Variants in ZNF469 observed in about 807,000 individuals in gnomAD.
ZNF469 encodes the protein zinc finger protein 469.
In ZNF469, 1 loss-of-function variant was observed where a neutral mutation model predicts 1.0. That is an observed-to-expected ratio of 1.00 (90% CI 0.35 to 4.73). The LOEUF (loss-of-function observed/expected upper bound fraction) is 4.73. Ranked by LOEUF, ZNF469 falls within the 30% of genes most tolerant of loss-of-function variation. The probability of loss-of-function intolerance (pLI) is 0.16; values close to 1 mark genes in which losing one functional copy is unlikely to be tolerated. For synonymous variants in ZNF469, 2,703 were observed against 2,363.4 expected, an observed-to-expected ratio of 1.14 and a Z score of -4.17; for missense variants, 6,100 against 5,356.3, an observed-to-expected ratio of 1.14 and a Z score of -4.33.
At chr16:88,279,378 T>C in the ZNF469 span, among the ~76,000 whole-genome samples, 1 of 151,210 alleles carries the variant, frequency 6.6e-6, no homozygotes, top group Non-Finnish European at 1.5e-5. Context: ...GCTCAGTCAG[T>C]ACCTTGTAGA....
At chr16:88,404,006 A>G (rs933025404) in intron 1 of ZNF469, among the ~76,000 whole-genome samples, 10 of 152,352 alleles carry the variant, frequency 6.6e-5, no homozygotes, top group Admixed American at 6.5e-4. Context: ...CAGTGCAAAC[A>G]CAGCCTCTGT....
upstream of ZNF469, among the ~76,000 whole-genome samples, chr16:88,378,007 C>T (rs1384734229): frequency 2.0e-5 from 3 of 152,100 alleles, no homozygotes; most frequent in Admixed American, 6.6e-5. Flanking sequence ...CTCAAGGACC[C>T]CAAGTCCAAA....
chr16:88,183,195 G>A, the ZNF469 span, among the ~76,000 whole-genome samples: 6 of 152,234 alleles, frequency 3.9e-5, no homozygotes, highest in Non-Finnish European at 4.4e-5. Flanking sequence ...AATGCCGCGC[G>A]CCTGGAGTCG....
chr16:88,399,409 A>G (rs1904791005), intron 1 of ZNF469, among the ~76,000 whole-genome samples: 1 of 152,184 alleles, frequency 6.6e-6, no homozygotes, highest in Non-Finnish European at 1.5e-5. Context: ...AGTCACAGCT[A>G]CAAGATGACA....
At position 88,437,755 on chromosome 16, in the gene ZNF469, A is replaced by G. The variant is rs1310160323; in HGVS notation, c.10285A>G (p.Lys3429Glu). 3 of 1,549,680 alleles carry G rather than the reference A, an allele frequency of 1.9e-6. No homozygotes were observed. Among genetic ancestry groups the G allele is most frequent in the Non-Finnish European group, 1.7e-6 (2 of 1,146,530 alleles). The change falls in exon 3 of 3, where the codon AAG becomes GAG. Residue 3429 changes from lysine (K) to glutamate (E), a missense_variant. Lys to Glu is a moderately conservative substitution (Grantham distance 56). Transcript: ENST00000565624. The part of the protein sequence containing the change: ...ACSSCNYTFA[K>E]KEQFDRHMNK... Reference sequence around the variant, plus strand: ...CAGCTCCTGCAACTACACCTTCGCCAAGAAGGAGCAGTTCGACCGCCACAT... The same window carrying G: ...CAGCTCCTGCAACTACACCTTCGCCGAGAAGGAGCAGTTCGACCGCCACAT...
chr16:88,103,984 T>G, the ZNF469 span, among the ~76,000 whole-genome samples: 1 of 152,070 alleles, frequency 6.6e-6, no homozygotes, highest in Non-Finnish European at 1.5e-5. Flanking sequence ...GCAGTGCGTG[T>G]GACAGTCGCC....
At chr16:88,402,095 G>GTGGA (rs1567501902) in intron 1 of ZNF469, among the ~76,000 whole-genome samples, 1 of 150,254 alleles carries the variant, frequency 6.7e-6, no homozygotes, top group Non-Finnish European at 1.5e-5. Context: ...GGATGGGTGG[G>GTGGA]TGGATGGATG....
At chr16:88,273,804 ATTTTT>A in the ZNF469 span, among the ~76,000 whole-genome samples, 1 of 135,266 alleles carries the variant, frequency 7.4e-6, no homozygotes, top group Non-Finnish European at 1.6e-5. Flanking sequence ...ACTGTGGAAT[ATTTTT>A]TTTTTTTTTT....
At chr16:88,117,190 A>ACACG in the ZNF469 span, among the ~76,000 whole-genome samples, 3 of 48,078 alleles carry the variant, frequency 6.2e-5, no homozygotes, top group South Asian at 8.0e-4. Flanking sequence ...AGGGCCGGGG[A>ACACG]TGTGTGAGGG....
the ZNF469 span, among the ~76,000 whole-genome samples, chr16:88,310,459 G>T: frequency 1.3e-5 from 2 of 152,154 alleles, no homozygotes; most frequent in African/African-American, 4.8e-5. Flanking sequence ...CTTCTTCCCG[G>T]TGGAACCATT....
the ZNF469 span, among the ~76,000 whole-genome samples, chr16:88,135,748 GTT>G: frequency 0.096 from 6,413 of 66,796 alleles, 1,680 homozygotes; most frequent in East Asian, 0.4. Context: ...AGCTGGCCAT[GTT>G]TTTTTTTTTT....
intron 1 of ZNF469, among the ~76,000 whole-genome samples, chr16:88,391,900 G>A (rs1267674147): frequency 1.3e-5 from 2 of 152,248 alleles, no homozygotes; most frequent in East Asian, 1.9e-4. Context: ...AGTATAATAT[G>A]ATATACAACA....
At chr16:88,277,121 T>C in the ZNF469 span, among the ~76,000 whole-genome samples, 267 of 151,598 alleles carry the variant, frequency 1.8e-3, no homozygotes, top group African/African-American at 6.0e-3. Context: ...TGTGCCACGC[T>C]GACGCTTGGT....
chr16:88,404,348 G>A lies in ZNF469; in HGVS notation c.-191-20459G>A, dbSNP rs187594956. 4.2e-3 allele frequency among the ~76,000 whole-genome samples: 644 copies of A among 152,328 alleles called. 13 individuals carry two copies. The highest frequency in any genetic ancestry group is 0.037 in the Admixed American group (567 of 15,306). ...GCCACAGCCAGGCCTTGAGAGGCCC[G>A]GCAGACTGGCCCTGGGCGGCGCCGG... On this transcript the variant is annotated intron_variant, in intron 1 of 2. Transcript: ENST00000565624.
At chr16:88,197,084 C>A in the ZNF469 span, among the ~76,000 whole-genome samples, 6 of 152,174 alleles carry the variant, frequency 3.9e-5, no homozygotes, top group African/African-American at 1.4e-4. Flanking sequence ...TTCTGGCTGG[C>A]GCTCACTTCC....
At chr16:88,117,875 G>A in the ZNF469 span, among the ~76,000 whole-genome samples, 92 of 152,370 alleles carry the variant, frequency 6.0e-4, no homozygotes, top group African/African-American at 2.1e-3. Context: ...GGCAAAGGGA[G>A]GCTCCACACA....
the ZNF469 span, among the ~76,000 whole-genome samples, chr16:88,357,982 A>T: frequency 3.9e-5 from 6 of 152,204 alleles, no homozygotes; most frequent in Non-Finnish European, 7.3e-5. Context: ...CGAAATGTCC[A>T]CTTGTCCTGG....
chr16:88,303,471 C>T, the ZNF469 span, among the ~76,000 whole-genome samples: 6 of 152,190 alleles, frequency 3.9e-5, no homozygotes, highest in African/African-American at 9.7e-5. Flanking sequence ...AAGGGCCCAC[C>T]ACAGCCTGCA....
At chr16:88,251,291 T>C in the ZNF469 span, among the ~76,000 whole-genome samples, 1 of 152,238 alleles carries the variant, frequency 6.6e-6, no homozygotes, top group Non-Finnish European at 1.5e-5. Flanking sequence ...TCATTTGTTC[T>C]TGAGCACGAG....
Sources: allele counts gnomAD v4.1 joint callset (sites outside exome capture counted in the v4.1 genomes callset), GRCh38; gene constraint gnomAD v4.1.1; transcripts MANE v1.5; gene names NCBI Gene and HGNC (gene_info 2026-07-23, HGNC 2026-07-21).